IPPK: variants seen among roughly 807,000 people sequenced by gnomAD.
IPPK encodes the protein inositol-pentakisphosphate 2-kinase, also known as IPK1 homolog.
In IPPK, 22 loss-of-function variants were observed where a neutral mutation model predicts 64.6. The observed-to-expected ratio is 0.34, with a 90% CI of 0.24 to 0.49. IPPK has a LOEUF of 0.49. Ranked by LOEUF, IPPK falls within the 20% of genes least tolerant of loss-of-function variation. The pLI, the probability that IPPK is intolerant of heterozygous loss-of-function variation, is 0.99. For synonymous variants in IPPK, 262 were observed against 247.2 expected (o/e 1.06, Z -0.56); for missense variants, 532 against 630.7 (o/e 0.84, Z 1.68).
chr9:92,652,664 C>T, intron 3 of IPPK, 25 bp from the exon 4 acceptor site: 2 of 1,382,046 alleles, frequency 1.4e-6, no homozygotes, highest in Non-Finnish European at 2.0e-6. Flanking sequence ...ATGAAATTCT[C>T]AGTGTGAATT....
chr9:92,632,359 C>T (rs1288821248), intron 11 of IPPK, among the ~76,000 whole-genome samples: 1 of 152,198 alleles, frequency 6.6e-6, no homozygotes, highest in African/African-American at 2.4e-5. Context: ...AGTTTCTCTG[C>T]ACCTCCATTT....
intron 6 of IPPK, 31 bp downstream of exon 6, chr9:92,648,028 G>C (rs1229379887): frequency 2.0e-6 from 3 of 1,512,192 alleles, no homozygotes; most frequent in African/African-American, 2.7e-5. Flanking sequence ...CGTGCAGCTA[G>C]AGTAGCCCAC....
At chr9:92,659,272 C>G (rs1852433710) in intron 1 of IPPK, among the ~76,000 whole-genome samples, 1 of 152,186 alleles carries the variant, frequency 6.6e-6, no homozygotes, top group Admixed American at 6.5e-5. Flanking sequence ...CTAGAAGGGA[C>G]TGGTCAGAGG....
intron 6 of IPPK, among the ~76,000 whole-genome samples, chr9:92,647,795 G>A (rs1351681670): frequency 6.6e-6 from 1 of 152,148 alleles, no homozygotes; most frequent in Non-Finnish European, 1.5e-5. Context: ...GGGAGGCCAA[G>A]GCAGGTGGAC....
chr9:92,636,352 G>C (rs1851942875), intron 9 of IPPK, among the ~76,000 whole-genome samples: 1 of 152,168 alleles, frequency 6.6e-6, no homozygotes, highest in Admixed American at 6.5e-5. Flanking sequence ...AAATGCATGT[G>C]ATCTCCAGGC....
At chr9:92,617,899 G>T (rs955749831) in intron 12 of IPPK, 14 of 246,270 alleles carry the variant, frequency 5.7e-5, no homozygotes, top group Non-Finnish European at 7.3e-5. Flanking sequence ...GGCAGAAACA[G>T]TAGTGCAGAG....
rs1309356784 is a variant in IPPK, at chr9:92,613,684, G to C, written c.*2148C>G. On this transcript the variant is annotated 3_prime_UTR_variant, in exon 13 of 13. Transcript: ENST00000287996. Reference sequence around the variant, plus strand: ...CTCAGCAAGTCCTCATGCTGTTCTTGGTCTTCCACAAGAAAGTGAAGCTGT... The same window carrying C: ...CTCAGCAAGTCCTCATGCTGTTCTTCGTCTTCCACAAGAAAGTGAAGCTGT... The C allele has an allele frequency of 6.4e-6, 1 of 156,806 alleles. No individual in the cohort carries two copies. Among genetic ancestry groups the C allele is most frequent in the Non-Finnish European group, 1.4e-5 (1 of 70,636 alleles). The allele number at this position is 156,806 out of a possible 1,614,324, so 9.7% of individuals were successfully genotyped here.
At chr9:92,636,694 T>C (rs754770692) in intron 9 of IPPK, among the ~76,000 whole-genome samples, 4 of 152,086 alleles carry the variant, frequency 2.6e-5, no homozygotes, top group African/African-American at 4.8e-5. Context: ...AGATACAGAT[T>C]TATGCTAGTT....
At chr9:92,661,225 G>C (rs1384432651) in intron 1 of IPPK, among the ~76,000 whole-genome samples, 1 of 152,240 alleles carries the variant, frequency 6.6e-6, no homozygotes. Context: ...AGAGAACCCA[G>C]GTCCAGCCTC....
intron 12 of IPPK, chr9:92,618,212 T>A (rs1409842904): frequency 4.4e-6 from 2 of 456,592 alleles, no homozygotes; most frequent in South Asian, 3.1e-5. Context: ...GAGAAAGGCC[T>A]GGCTAGAGTG....
At chr9:92,616,104 T>C (rs781543232) in intron 12 of IPPK, 47 bp from the exon 13 acceptor site, 1 of 1,320,460 alleles carries the variant, frequency 7.6e-7, no homozygotes, top group South Asian at 1.2e-5. Flanking sequence ...CCCCCATTCA[T>C]TTCCCTCCCT....
intron 11 of IPPK, among the ~76,000 whole-genome samples, chr9:92,629,966 TG>T (rs1851806589): frequency 6.6e-6 from 1 of 152,186 alleles, no homozygotes; most frequent in Non-Finnish European, 1.5e-5. Context: ...ACAGCAATTT[TG>T]GAAAAGTCTG....
intron 1 of IPPK, among the ~76,000 whole-genome samples, chr9:92,668,726 A>G (rs1852657658): frequency 6.6e-6 from 1 of 152,248 alleles, no homozygotes; most frequent in South Asian, 2.1e-4. Flanking sequence ...AGCCTGGTCC[A>G]TTATTAATTC....
chr9:92,646,693 C>T (rs1181131135), intron 6 of IPPK, among the ~76,000 whole-genome samples: 1 of 152,176 alleles, frequency 6.6e-6, no homozygotes, highest in Non-Finnish European at 1.5e-5. Flanking sequence ...CACGGTGGCT[C>T]ACACCTGTAA....
intron 1 of IPPK, among the ~76,000 whole-genome samples, chr9:92,662,259 C>T (rs1852499881): frequency 1.3e-5 from 2 of 152,148 alleles, no homozygotes; most frequent in Admixed American, 1.3e-4. Flanking sequence ...GGCGCGGTGG[C>T]TCATGCCTGT....
chr9:92,655,182 A>G (rs1448291670), intron 3 of IPPK, among the ~76,000 whole-genome samples: 1 of 152,074 alleles, frequency 6.6e-6, no homozygotes, highest in Non-Finnish European at 1.5e-5. Context: ...GCCCCACAAC[A>G]AACAGGAGGG....
intron 12 of IPPK, chr9:92,616,390 T>C (rs1037003770): frequency 9.0e-6 from 2 of 222,846 alleles, no homozygotes; most frequent in African/African-American, 2.3e-5. Flanking sequence ...AAAGTAATTA[T>C]GTGGAACATG....
rs199620114 is a variant in IPPK, at chr9:92,635,354, G to A, written c.917-46C>T. 1.9e-6 allele frequency: 3 copies of A among 1,586,420 alleles called. No individual in the cohort carries two copies. In the East Asian group the frequency reaches 6.7e-5, roughly 36 times the overall value. ...AAACGAGAGCATGTTGATTATCAAA[G>A]AACGTGGAGGGAGACACAGGCCGGC... On this transcript the variant is annotated intron_variant, in intron 9 of 12. Transcript: ENST00000287996. The surrounding 1 kb of genome is among the most constrained non-coding windows in gnomAD (Gnocchi z 4.4).
chr9:92,654,226 T>C (rs1192353007), intron 3 of IPPK, among the ~76,000 whole-genome samples: 2 of 152,152 alleles, frequency 1.3e-5, no homozygotes, highest in Non-Finnish European at 2.9e-5. Context: ...AAAGTCAAAA[T>C]AAAACGCTGG....
Sources: allele counts gnomAD v4.1 joint callset (sites outside exome capture counted in the v4.1 genomes callset), GRCh38; gene constraint gnomAD v4.1.1; non-coding constraint Gnocchi (gnomAD v3.1); transcripts MANE v1.5; gene names NCBI Gene and HGNC (gene_info 2026-07-23, HGNC 2026-07-21).